Variants in ASAP1 observed in about 807,000 individuals in gnomAD.
ASAP1 encodes the protein arf-GAP with SH3 domain, ANK repeat and PH domain-containing protein 1.
ASAP1 carries 43 observed loss-of-function variants against 145.2 expected under a neutral mutation model. The ratio of observed to expected loss-of-function variants is 0.30; its 90% CI spans 0.23 to 0.38. ASAP1 has a LOEUF of 0.38. ASAP1 is among the 10% of genes least tolerant of loss of function. The pLI, the probability that ASAP1 is intolerant of heterozygous loss-of-function variation, is 1.00. For missense variants in ASAP1, 1,018 were observed against 1,355.3 expected (o/e 0.75, Z 3.91); for synonymous variants, 546 against 515.5 (o/e 1.06, Z -0.80).
At chr8:130,393,888 T>A (rs1828399625) in intron 2 of ASAP1, among the ~76,000 whole-genome samples, 1 of 152,222 alleles carries the variant, frequency 6.6e-6, no homozygotes, top group African/African-American at 2.4e-5. Context: ...CTGTCTTTAC[T>A]GTAATCTCTG....
At chr8:130,432,094 G>A (rs1439478012) in intron 1 of ASAP1, among the ~76,000 whole-genome samples, 1 of 108,644 alleles carries the variant, frequency 9.2e-6, no homozygotes. Flanking sequence ...GAAGGGGGAG[G>A]AAAGGGAAGA....
chr8:130,231,186 A>C (rs1817890752), intron 4 of ASAP1, among the ~76,000 whole-genome samples: 1 of 152,208 alleles, frequency 6.6e-6, no homozygotes, highest in South Asian at 2.1e-4. Context: ...TTGCCTTAAA[A>C]AACACAAACC....
At chr8:130,261,874 A>C (rs1819921572) in intron 3 of ASAP1, among the ~76,000 whole-genome samples, 1 of 151,994 alleles carries the variant, frequency 6.6e-6, no homozygotes, top group African/African-American at 2.4e-5. Context: ...ATGACTACTG[A>C]CAGTTGAACC....
At chr8:130,166,340 C>T (rs1005413309) in intron 11 of ASAP1, among the ~76,000 whole-genome samples, 1 of 152,098 alleles carries the variant, frequency 6.6e-6, no homozygotes, top group Non-Finnish European at 1.5e-5. Context: ...AAAACAGGCA[C>T]GTTTTTAATT....
intron 3 of ASAP1, among the ~76,000 whole-genome samples, chr8:130,241,263 T>C (rs1010420633): frequency 3.9e-5 from 6 of 152,112 alleles, no homozygotes; most frequent in African/African-American, 1.4e-4. Flanking sequence ...CAGCAGTGTA[T>C]ACCCTCGGCC....
intron 25 of ASAP1, among the ~76,000 whole-genome samples, chr8:130,091,626 A>G (rs781731000): frequency 2.0e-5 from 3 of 152,208 alleles, no homozygotes; most frequent in Non-Finnish European, 4.4e-5. Flanking sequence ...TTTATAAGAA[A>G]ACCATTCTGG....
intron 3 of ASAP1, among the ~76,000 whole-genome samples, chr8:130,238,981 T>G (rs1287514755): frequency 6.6e-6 from 1 of 152,148 alleles, no homozygotes. Flanking sequence ...TTCAATATCT[T>G]CCTTTAAATA....
chr8:130,439,507 C>T (rs949644528), intron 1 of ASAP1, among the ~76,000 whole-genome samples: 13 of 151,974 alleles, frequency 8.6e-5, no homozygotes, highest in African/African-American at 2.9e-4. Flanking sequence ...TAACATTTGT[C>T]GAATTTACCC....
At chr8:130,228,870 C>T (rs144485087) in intron 4 of ASAP1, among the ~76,000 whole-genome samples, 6 of 152,110 alleles carry the variant, frequency 3.9e-5, no homozygotes, top group African/African-American at 1.4e-4. Flanking sequence ...AATATCACTG[C>T]ACTTTCACAA....
rs999530830 is a variant in ASAP1 at position 130,358,991 on chromosome 8, T to C, written c.60-848A>G. Among the ~76,000 whole-genome samples the C allele has an allele frequency of 3.9e-5, 6 of 152,148 alleles. No individual in the cohort carries two copies. The highest frequency in any genetic ancestry group is 3.3e-4 in the Admixed American group (5 of 15,300). On this transcript the variant is annotated intron_variant, in intron 2 of 29. Coordinates refer to ENST00000518721, the MANE Select transcript of ASAP1 (RefSeq NM_018482.4). The surrounding 1 kb of genome is among the most constrained non-coding windows in gnomAD (Gnocchi z 4.1). ...AGGCCCCGGGAGAGCCGCCTTCTAC[T>C]GCGAGGGCCGCCGACCCCGCGAAGG... is the stretch of plus-strand genomic sequence containing the variant.
rs915977316 is a variant in ASAP1, at chr8:130,052,746, T to G, written c.*1985A>C. The G allele has an allele frequency of 1.3e-5, 2 of 151,120 alleles. No individual in the cohort carries two copies. Among genetic ancestry groups the G allele is most frequent in the African/African-American group, 4.8e-5 (2 of 41,284 alleles). 9.4% of individuals were successfully genotyped at this position (151,120 alleles called of 1,614,324 possible). ...TTTTTTTTGTTTTTGTTTTTTTTTT[T>G]TTTTTGAAAAAAACCAGTTTATTTT... On this transcript the variant is annotated 3_prime_UTR_variant, in exon 30 of 30. Coordinates refer to ENST00000518721, the MANE Select transcript of ASAP1 (RefSeq NM_018482.4).
intron 5 of ASAP1, among the ~76,000 whole-genome samples, chr8:130,190,837 G>A (rs562145789): frequency 6.6e-6 from 1 of 152,206 alleles, no homozygotes; most frequent in South Asian, 2.1e-4. Context: ...TTTTATGCCA[G>A]CATCATGCTG....
chr8:130,214,901 CT>C (rs916260334), intron 4 of ASAP1, among the ~76,000 whole-genome samples, 200 bp from the exon 5 acceptor site: 2 of 151,926 alleles, frequency 1.3e-5, no homozygotes, highest in African/African-American at 2.4e-5. Context: ...TCCCTTTTAT[CT>C]TTTTTTCTTT....
intron 2 of ASAP1, among the ~76,000 whole-genome samples, chr8:130,384,332 C>T (rs1827913645): frequency 6.6e-6 from 1 of 152,176 alleles, no homozygotes; most frequent in Non-Finnish European, 1.5e-5. Context: ...GCTGTCATTG[C>T]TATGTAATTT....
At chr8:130,228,154 C>T (rs1010330623) in intron 4 of ASAP1, among the ~76,000 whole-genome samples, 4 of 151,992 alleles carry the variant, frequency 2.6e-5, no homozygotes, top group Non-Finnish European at 5.9e-5. Context: ...TCCTGAGAAA[C>T]GAAGGACTTG....
At chr8:130,387,257 C>T (rs985645563) in intron 2 of ASAP1, among the ~76,000 whole-genome samples, 4 of 152,114 alleles carry the variant, frequency 2.6e-5, no homozygotes, top group African/African-American at 4.8e-5. Context: ...CCAGGTCCGG[C>T]GAAAGTGGTG....
chr8:130,087,570 AG>A (rs1222194680), intron 25 of ASAP1, among the ~76,000 whole-genome samples: 1 of 152,140 alleles, frequency 6.6e-6, no homozygotes, highest in African/African-American at 2.4e-5. Flanking sequence ...GGCTGAGGAA[AG>A]AGGCTAATGT....
intron 18 of ASAP1, among the ~76,000 whole-genome samples, chr8:130,120,496 A>C (rs2097564082): frequency 6.6e-6 from 1 of 152,228 alleles, no homozygotes; most frequent in Admixed American, 6.5e-5. Flanking sequence ...AGGGATGCAC[A>C]TGTTAGGGGT....
At chr8:130,372,873 C>T (rs963972500) in intron 2 of ASAP1, among the ~76,000 whole-genome samples, 1 of 152,146 alleles carries the variant, frequency 6.6e-6, no homozygotes, top group Non-Finnish European at 1.5e-5. Flanking sequence ...AGAGAGCACA[C>T]TCATGCATAT....
Sources: gnomAD v4.1 joint callset for allele counts (sites outside exome capture counted in the v4.1 genomes callset) on GRCh38, gnomAD v4.1.1 for gene constraint, Gnocchi (gnomAD v3.1) non-coding constraint, MANE v1.5 for transcripts, NCBI Gene and HGNC (gene_info 2026-07-23, HGNC 2026-07-21) for gene names.